The following ERP27 variants were observed in gnomAD, a reference collection of about 807,000 sequenced individuals.
The protein encoded by ERP27 is endoplasmic reticulum resident protein 27.
In ERP27, 23 loss-of-function variants were observed where a neutral mutation model predicts 27.7. The ratio of observed to expected loss-of-function variants is 0.83; its 90% CI spans 0.60 to 1.18. ERP27 has a LOEUF of 1.18. Ranked by LOEUF, ERP27 falls within the 50% of genes most tolerant of loss-of-function variation. ERP27 has a pLI of 0.00. For missense variants in ERP27, 363 were observed against 327.9 expected (o/e 1.11, Z -0.83); for synonymous variants, 159 against 118.3 (o/e 1.34, Z -2.23).
At chr12:14,932,780 G>A (rs1863715357) in intron 3 of ERP27, among the ~76,000 whole-genome samples, 1 of 152,208 alleles carries the variant, frequency 6.6e-6, no homozygotes, top group African/African-American at 2.4e-5. Context: ...GAATGAGGTA[G>A]AAGGAGTGGA....
intron 3 of ERP27, among the ~76,000 whole-genome samples, chr12:14,929,577 A>G (rs1438264238): frequency 6.6e-6 from 1 of 152,202 alleles, no homozygotes; most frequent in Non-Finnish European, 1.5e-5. Flanking sequence ...AAAATATCAT[A>G]TTTTTATTTC....
chr12:14,930,722 C>T (rs2120608489), intron 3 of ERP27, among the ~76,000 whole-genome samples: 1 of 152,338 alleles, frequency 6.6e-6, no homozygotes, highest in South Asian at 2.1e-4. Flanking sequence ...ATAAATACAG[C>T]ACTGGCTGGC....
intron 3 of ERP27, among the ~76,000 whole-genome samples, chr12:14,922,558 C>T (rs977235503): frequency 1.3e-5 from 2 of 151,974 alleles, no homozygotes; most frequent in Non-Finnish European, 2.9e-5. Context: ...TATTTTCTTA[C>T]TAGGGCTTCT....
At chr12:14,914,918 C>T in intron 6 of ERP27, 136 bp from the exon 7 acceptor site, 1 of 683,924 alleles carries the variant, frequency 1.5e-6, no homozygotes, top group Non-Finnish European at 2.4e-6. Context: ...TAATGCTTTA[C>T]ACTAAATGCT....
At chr12:14,926,646 C>G (rs564934457) in intron 3 of ERP27, among the ~76,000 whole-genome samples, 2 of 152,122 alleles carry the variant, frequency 1.3e-5, no homozygotes, top group Non-Finnish European at 2.9e-5. Flanking sequence ...TTTTTTTTCA[C>G]TTCTCAGAAC....
intron 4 of ERP27, among the ~76,000 whole-genome samples, chr12:14,919,712 C>T (rs771850156): frequency 1.5e-4 from 23 of 152,198 alleles, no homozygotes; most frequent in Non-Finnish European, 2.6e-4. Context: ...TAGGCTGTCT[C>T]TGAAGCTTGA....
intron 1 of ERP27, 127 bp downstream of exon 1, chr12:14,938,288 C>G (rs1454228343): frequency 5.1e-6 from 4 of 778,556 alleles, no homozygotes; most frequent in East Asian, 5.9e-5. Context: ...GCAAAATGCA[C>G]TTATCCAGGA....
At chr12:14,922,740 CT>C (rs1294323506) in intron 3 of ERP27, among the ~76,000 whole-genome samples, 1 of 152,154 alleles carries the variant, frequency 6.6e-6, no homozygotes, top group Non-Finnish European at 1.5e-5. Context: ...CACAATAGAT[CT>C]AAAATCCACT....
Position 14,938,139 on chromosome 12 carries a change from T to C in ERP27, c.95-87A>G. The stretch of plus-strand genomic sequence containing the variant: ...AGGGCATCTATACCTTTTATCTCTA[T>C]ACTAAGGGCAAGAAGAGCACAATTT... On this transcript the variant is annotated intron_variant, in intron 1 of 6. Transcript: ENST00000266397. 2.7e-6 allele frequency: 3 copies of C among 1,114,250 alleles called. No individual in the cohort carries two copies. The South Asian group carries it at 4.0e-5, about 15-fold the overall frequency. The allele number at this position is 1,114,250 out of a possible 1,614,324, so 69.0% of individuals were successfully genotyped here.
chr12:14,938,193 T>C lies in ERP27; in HGVS notation c.95-141A>G, dbSNP rs570144712. ...GGAGTACTGTTGGCATTCCAAGGCA[T>C]AATATTTTTACTAACATATGGAAGG... On this transcript the variant is annotated intron_variant, in intron 1 of 6. Coordinates refer to ENST00000266397, the MANE Select transcript of ERP27 (RefSeq NM_152321.4). 115 of 790,976 alleles carry C rather than the reference T, an allele frequency of 1.5e-4. No individual in the cohort carries two copies. The African/African-American group carries it at 1.5e-3, about 10-fold the overall frequency. The allele number at this position is 790,976 out of a possible 1,614,324, so 49.0% of individuals were successfully genotyped here.
At position 14,915,599 on chromosome 12, in the gene ERP27, A is replaced by G. The variant is rs562953875; in HGVS notation, c.664T>C (p.Leu222=). Residue 222 remains leucine (L), a synonymous_variant, in exon 6 of 7, where the codon TTG becomes CTG. Transcript: ENST00000266397. The stretch of plus-strand genomic sequence containing the variant: ...TCATCTAGAGTCTGGTAAATTGCCA[A>G]AGCTGGCAGTTGAGACTCCTTTAGT... ...FKLKESQLPA[L]AIYQTLDDEW... The G allele has an allele frequency of 7.4e-6, 12 of 1,614,206 alleles. No homozygotes were observed. The highest frequency in any genetic ancestry group is 5.3e-5 in the African/African-American group (4 of 75,058).
chr12:14,933,309 A>G (rs1285356086), intron 3 of ERP27, among the ~76,000 whole-genome samples: 5 of 152,204 alleles, frequency 3.3e-5, no homozygotes, highest in Admixed American at 3.3e-4. Flanking sequence ...AAGCAGCAGG[A>G]GGATCAGGAG....
intron 2 of ERP27, chr12:14,935,273 G>A (rs1381210530): frequency 6.5e-6 from 3 of 458,192 alleles, no homozygotes; most frequent in East Asian, 1.6e-4. Flanking sequence ...GGCTGAGAGA[G>A]GCCTCAAAAT....
intron 4 of ERP27, among the ~76,000 whole-genome samples, chr12:14,919,089 G>A (rs1257456738): frequency 6.6e-6 from 1 of 152,220 alleles, no homozygotes; most frequent in Non-Finnish European, 1.5e-5. Flanking sequence ...GGCAGGTCAG[G>A]TGCATGGCTG....
At chr12:14,917,508 G>A (rs1016913373) in intron 4 of ERP27, among the ~76,000 whole-genome samples, 4 of 130,284 alleles carry the variant, frequency 3.1e-5, no homozygotes, top group African/African-American at 1.2e-4. Flanking sequence ...CACCCTGAAT[G>A]GGGCAGAACT....
chr12:14,938,464 G>A lies in ERP27; in HGVS notation c.45C>T (p.Leu15=), dbSNP rs1220432114. The A allele has an allele frequency of 6.2e-7, 1 of 1,614,096 alleles. No homozygotes were observed. The highest frequency in any genetic ancestry group is 1.7e-5 in the Admixed American group (1 of 60,020). ...CAACTTCTGCAGCCAGCTCACACGT[G>A]AGGAGAAATAAGAGGAACATGAACC... The part of the protein sequence containing the change: ...PSRFMFLLFL[L]TCELAAEVAA... Residue 15 remains leucine (L), a synonymous_variant, in exon 1 of 7, where the codon CTC becomes CTT. Transcript: ENST00000266397.
intron 4 of ERP27, among the ~76,000 whole-genome samples, chr12:14,917,733 A>G (rs990105500): frequency 6.6e-5 from 10 of 152,148 alleles, no homozygotes; most frequent in African/African-American, 2.4e-4. Context: ...CATGTGAGGG[A>G]GCCATCTTGG....
At chr12:14,924,996 T>C (rs1277536660) in intron 3 of ERP27, among the ~76,000 whole-genome samples, 2 of 152,188 alleles carry the variant, frequency 1.3e-5, no homozygotes, top group Admixed American at 6.5e-5. Context: ...CCCTATATGG[T>C]CTGAAAAGGT....
intron 5 of ERP27, 67 bp downstream of exon 5, chr12:14,917,110 GC>G: frequency 6.3e-7 from 1 of 1,581,102 alleles, no homozygotes; most frequent in African/African-American, 1.3e-5. Context: ...CTGCTTCCTA[GC>G]CCCATCTCCC....
Sources: gnomAD v4.1 joint callset for allele counts (sites outside exome capture counted in the v4.1 genomes callset) on GRCh38, gnomAD v4.1.1 for gene constraint, MANE v1.5 for transcripts, NCBI Gene and HGNC (gene_info 2026-07-23, HGNC 2026-07-21) for gene names.